Variants in SFRP1 observed in about 807,000 individuals in gnomAD.
SFRP1 encodes the protein secreted frizzled-related protein 1.
In SFRP1, 9 loss-of-function variants were observed where a neutral mutation model predicts 25.9. That is an observed-to-expected ratio of 0.35 (90% CI 0.21 to 0.61). SFRP1 has a LOEUF of 0.61. SFRP1 is among the 20% of genes least tolerant of loss of function. SFRP1 has a pLI of 0.78. For synonymous variants in SFRP1, 178 were observed against 174.0 expected (o/e 1.02, Z -0.18); for missense variants, 346 against 418.2 (o/e 0.83, Z 1.51).
intron 2 of SFRP1, among the ~76,000 whole-genome samples, chr8:41,274,409 G>A (rs1467384849): frequency 6.6e-6 from 1 of 152,128 alleles, no homozygotes; most frequent in East Asian, 1.9e-4. Context: ...ACAAAATGAT[G>A]TAAAAGAAAG....
At chr8:41,278,549 T>C (rs1803597506) in intron 2 of SFRP1, among the ~76,000 whole-genome samples, 1 of 152,178 alleles carries the variant, frequency 6.6e-6, no homozygotes, top group African/African-American at 2.4e-5. Flanking sequence ...GTCTTTGAAA[T>C]CCAGTAGAGA....
intron 2 of SFRP1, among the ~76,000 whole-genome samples, chr8:41,289,764 A>G (rs999249466): frequency 4.2e-4 from 64 of 152,200 alleles, no homozygotes; most frequent in African/African-American, 1.5e-3. Flanking sequence ...AAATACCAAG[A>G]CCATAGGAGT....
intron 2 of SFRP1, among the ~76,000 whole-genome samples, chr8:41,283,985 A>G (rs1415535469): frequency 1.3e-5 from 2 of 152,166 alleles, no homozygotes; most frequent in Non-Finnish European, 2.9e-5. Flanking sequence ...AAGGTGTCCT[A>G]GCTGGGCCAG....
intron 2 of SFRP1, among the ~76,000 whole-genome samples, chr8:41,274,051 C>T (rs1371524043): frequency 6.6e-6 from 1 of 152,202 alleles, no homozygotes; most frequent in African/African-American, 2.4e-5. Context: ...GGGGCTTGCA[C>T]CAGTGGCCTC....
At chr8:41,286,510 G>A (rs188214367) in intron 2 of SFRP1, among the ~76,000 whole-genome samples, 1 of 152,156 alleles carries the variant, frequency 6.6e-6, no homozygotes, top group East Asian at 1.9e-4. Flanking sequence ...GGGGCGGGGG[G>A]AGGGGGTTCA....
intron 2 of SFRP1, among the ~76,000 whole-genome samples, chr8:41,298,531 C>A (rs1803871596): frequency 6.6e-6 from 1 of 152,028 alleles, no homozygotes; most frequent in Non-Finnish European, 1.5e-5. Flanking sequence ...CACAGCCTCC[C>A]AAGTAGCTGG....
chr8:41,290,690 G>A (rs1803764865), intron 2 of SFRP1, among the ~76,000 whole-genome samples: 1 of 151,992 alleles, frequency 6.6e-6, no homozygotes, highest in African/African-American at 2.4e-5. Flanking sequence ...GGGTGGCCCT[G>A]AGCAGGCCCA....
intron 2 of SFRP1, among the ~76,000 whole-genome samples, chr8:41,292,937 T>C (rs1212119723): frequency 1.3e-5 from 2 of 152,204 alleles, no homozygotes; most frequent in Admixed American, 1.3e-4. Flanking sequence ...TCTCAGCTCT[T>C]AGTGCCTCTA....
At chr8:41,278,244 T>C (rs1803593937) in intron 2 of SFRP1, among the ~76,000 whole-genome samples, 1 of 152,054 alleles carries the variant, frequency 6.6e-6, no homozygotes, top group African/African-American at 2.4e-5. Context: ...TGTGGGTGCT[T>C]GCAAAATCAA....
At position 41,287,124 on chromosome 8, in the gene SFRP1, C is replaced by T. The variant is rs146508888; in HGVS notation, c.622+16337G>A. Among the ~76,000 whole-genome samples, 437 of 152,344 alleles carry T rather than the reference C, an allele frequency of 2.9e-3. 4 individuals are homozygous for T. The highest frequency in any genetic ancestry group is 1.0e-2 in the African/African-American group (415 of 41,588). Reference sequence around the variant, plus strand: ...CTCAAGCCCAGTTTCTCCGGTGCCACACAGGAGTCTTCCCTTTGCTGGACT... The same window carrying T: ...CTCAAGCCCAGTTTCTCCGGTGCCATACAGGAGTCTTCCCTTTGCTGGACT... On this transcript the variant is annotated intron_variant, in intron 2 of 2. Transcript: ENST00000220772.
In SFRP1 at chr8:41,284,489, G is replaced by A. The variant is rs556282750; in HGVS notation, c.622+18972C>T. Among the ~76,000 whole-genome samples the A allele has an allele frequency of 9.2e-5, 14 of 151,976 alleles. No homozygotes were observed. In the East Asian group the frequency reaches 1.9e-3, roughly 21 times the overall value. ...TGGTGGCTCTGTGATGGCTGAGAGCGTCAGCAGGGACCCTCAGTCTGGCAA... is the reference window on the plus strand; with the variant it reads ...TGGTGGCTCTGTGATGGCTGAGAGCATCAGCAGGGACCCTCAGTCTGGCAA... On this transcript the variant is annotated intron_variant, in intron 2 of 2. Transcript: ENST00000220772.
Position 41,309,071 on chromosome 8 carries a change from G to C in SFRP1, c.89C>G (p.Ser30Trp). ...ALGAALLAVGSASEYDYVSFQ... is the reference protein window; with the variant it reads ...ALGAALLAVGWASEYDYVSFQ... ...GCTCACGTAGTCGTACTCGCTGGCC[G>C]AGCCCACGGCCAGAAGCGCCGCGCC... The change falls in exon 1 of 3, where the codon TCG (serine) becomes TGG (tryptophan). Residue 30 changes from serine to tryptophan, a missense_variant. By Grantham distance (177) the Ser-to-Trp change is radical (BLOSUM62 -3). Coordinates refer to ENST00000220772, the MANE Select transcript of SFRP1 (RefSeq NM_003012.5). 6.3e-7 allele frequency: 1 copy of C among 1,599,342 alleles called. No individual in the cohort carries two copies. Among genetic ancestry groups the C allele is most frequent in the Non-Finnish European group, 8.5e-7 (1 of 1,178,676 alleles).
At position 41,265,607 on chromosome 8, in the gene SFRP1, T is replaced by C. The variant is rs529907140; in HGVS notation, c.623-118A>G. On this transcript the variant is annotated intron_variant, in intron 2 of 2. Coordinates refer to ENST00000220772, the MANE Select transcript of SFRP1 (RefSeq NM_003012.5). ...TTTTATTATTTTATTTTTTGGCTTA[T>C]ACTTTCTTCTTGTAAATATATATGT... 2.4e-5 allele frequency: 17 copies of C among 694,566 alleles called. No individual in the cohort carries two copies. In the South Asian group the frequency reaches 3.6e-4, roughly 15 times the overall value. 43.0% of individuals were successfully genotyped at this position (694,566 alleles called of 1,614,324 possible).
At chr8:41,282,419 G>A (rs1803645069) in intron 2 of SFRP1, among the ~76,000 whole-genome samples, 2 of 152,138 alleles carry the variant, frequency 1.3e-5, no homozygotes, top group Admixed American at 1.3e-4. Context: ...AGGCTGAGGT[G>A]GGAGAATTAC....
In SFRP1 at chr8:41,262,905, C is replaced by G. The variant is rs1039791809; in HGVS notation, c.*2262G>C. On this transcript the variant is annotated 3_prime_UTR_variant, in exon 3 of 3. Coordinates refer to ENST00000220772, the MANE Select transcript of SFRP1 (RefSeq NM_003012.5). The stretch of plus-strand genomic sequence containing the variant: ...ACTAATGACACTCAAGGTCCTGGGA[C>G]TCTGAGACAGACGGTGGTAAAACCC... 8.5e-5 allele frequency: 13 copies of G among 152,192 alleles called. No individual in the cohort carries two copies. The highest frequency in any genetic ancestry group is 3.1e-4 in the African/African-American group (13 of 41,440). The allele number at this position is 152,192 out of a possible 1,614,324, so 9.4% of individuals were successfully genotyped here. A position where few individuals can be genotyped will look rare whatever the true frequency, so the allele number is the denominator to read the frequency against.
intron 2 of SFRP1, among the ~76,000 whole-genome samples, chr8:41,294,137 G>A (rs1007367040): frequency 3.9e-5 from 6 of 152,194 alleles, no homozygotes; most frequent in Non-Finnish European, 7.3e-5. Flanking sequence ...ATGAGCCTGA[G>A]AGGTGAGCAC....
chr8:41,277,337 G>A (rs2117489371), intron 2 of SFRP1, among the ~76,000 whole-genome samples: 1 of 152,288 alleles, frequency 6.6e-6, no homozygotes. Context: ...AACCTGCCAA[G>A]GCAAACAGCT....
chr8:41,285,925 G>GC, intron 2 of SFRP1, among the ~76,000 whole-genome samples: 2 of 151,628 alleles, frequency 1.3e-5, no homozygotes, highest in Non-Finnish European at 2.9e-5. Context: ...GAGTTTTGGG[G>GC]TATGGGTCCC....
At chr8:41,275,177 G>C (rs1004583812) in intron 2 of SFRP1, 2 of 452,320 alleles carry the variant, frequency 4.4e-6, no homozygotes, top group Admixed American at 2.4e-5. Flanking sequence ...TCACTTGTCA[G>C]CTCTGCCTGG....
Sources: allele counts gnomAD v4.1 joint callset (sites outside exome capture counted in the v4.1 genomes callset), GRCh38; gene constraint gnomAD v4.1.1; transcripts MANE v1.5; gene names NCBI Gene and HGNC (gene_info 2026-07-23, HGNC 2026-07-21).